Variants in SLC9A9 observed in about 807,000 individuals in gnomAD.
SLC9A9 encodes solute carrier family 9 member A9.
Under a neutral mutation model 77.8 loss-of-function variants are expected in SLC9A9, and 62 were observed. The observed-to-expected ratio is 0.80, with a 90% CI of 0.65 to 0.98. The LOEUF is 0.98. Ranked by LOEUF, SLC9A9 falls within the 50% of genes least tolerant of loss-of-function variation. SLC9A9 has a pLI of 0.00. For synonymous variants in SLC9A9, 320 were observed against 283.5 expected, an observed-to-expected ratio of 1.13 and a Z score of -1.29; for missense variants, 775 against 774.9, an observed-to-expected ratio of 1.00 and a Z score of 0.00.
At chr3:143,521,548 A>G (rs145467614) in intron 9 of SLC9A9, among the ~76,000 whole-genome samples, 1 of 152,156 alleles carries the variant, frequency 6.6e-6, no homozygotes, top group African/African-American at 2.4e-5. Context: ...ATTTGAATTT[A>G]TTTCTACCAC....
At chr3:143,386,561 G>A (rs569640841) in intron 12 of SLC9A9, among the ~76,000 whole-genome samples, 2 of 152,278 alleles carry the variant, frequency 1.3e-5, no homozygotes, top group East Asian at 3.9e-4. Context: ...AAATAGCTTA[G>A]GACCTGTTAT....
At chr3:143,508,674 T>C (rs1224121319) in intron 9 of SLC9A9, among the ~76,000 whole-genome samples, 2 of 152,336 alleles carry the variant, frequency 1.3e-5, no homozygotes, top group South Asian at 4.1e-4. Context: ...AAAATTTCTT[T>C]TACCACATTT....
chr3:143,643,448 T>C (rs1489351614), intron 6 of SLC9A9, among the ~76,000 whole-genome samples: 1 of 152,196 alleles, frequency 6.6e-6, no homozygotes, highest in Non-Finnish European at 1.5e-5. Context: ...TGTATTACCA[T>C]GAGTGAACCT....
intron 9 of SLC9A9, among the ~76,000 whole-genome samples, chr3:143,528,021 G>A (rs1386995963): frequency 1.3e-5 from 2 of 152,210 alleles, no homozygotes; most frequent in African/African-American, 4.8e-5. Flanking sequence ...GGAGGAGAAG[G>A]AAGAACACTG....
chr3:143,317,944 G>A (rs530860824), intron 14 of SLC9A9, among the ~76,000 whole-genome samples: 27 of 152,216 alleles, frequency 1.8e-4, no homozygotes, highest in South Asian at 1.5e-3. Context: ...AGCCAGGATG[G>A]TCTCGATCTC....
intron 6 of SLC9A9, among the ~76,000 whole-genome samples, chr3:143,608,699 G>T (rs1160970739): frequency 3.9e-5 from 6 of 152,048 alleles, no homozygotes; most frequent in Non-Finnish European, 8.8e-5. Flanking sequence ...ATAGAAATCT[G>T]TTATATATTG....
chr3:143,653,004 G>A (rs2038826393), intron 5 of SLC9A9, among the ~76,000 whole-genome samples: 1 of 152,146 alleles, frequency 6.6e-6, no homozygotes, highest in African/African-American at 2.4e-5. Context: ...TGGACACATG[G>A]TGTTAGACCA....
At chr3:143,847,846 A>G (rs1282549997) in intron 1 of SLC9A9, 2 of 433,956 alleles carry the variant, frequency 4.6e-6, no homozygotes, top group African/African-American at 2.0e-5. Flanking sequence ...TCCCAACATC[A>G]TTACAAAAAC....
intron 4 of SLC9A9, among the ~76,000 whole-genome samples, chr3:143,745,901 T>C (rs1935187403): frequency 6.6e-6 from 1 of 152,222 alleles, no homozygotes; most frequent in African/African-American, 2.4e-5. Flanking sequence ...ATGAGTTCCT[T>C]CTACAAGGGG....
At chr3:143,636,650 G>A (rs944093898) in intron 6 of SLC9A9, among the ~76,000 whole-genome samples, 1 of 152,044 alleles carries the variant, frequency 6.6e-6, no homozygotes, top group Non-Finnish European at 1.5e-5. Flanking sequence ...AGTCTCTAAT[G>A]TTTATTACTC....
chr3:143,650,027 C>G (rs1002907175), intron 6 of SLC9A9, among the ~76,000 whole-genome samples: 22 of 152,208 alleles, frequency 1.4e-4, no homozygotes, highest in Non-Finnish European at 2.5e-4. Context: ...AGAAGCTCAG[C>G]CCATGGGCTG....
At chr3:143,720,278 T>A (rs1476329548) in intron 4 of SLC9A9, among the ~76,000 whole-genome samples, 1 of 152,070 alleles carries the variant, frequency 6.6e-6, no homozygotes, top group Non-Finnish European at 1.5e-5. Context: ...GGTTCTTTAC[T>A]GGAATTGTGA....
chr3:143,331,123 A>G (rs2031755698), intron 14 of SLC9A9, among the ~76,000 whole-genome samples: 1 of 152,222 alleles, frequency 6.6e-6, no homozygotes, highest in Non-Finnish European at 1.5e-5. Context: ...TCTTCTGTAT[A>G]ACATTAACTG....
chr3:143,276,960 G>A (rs774389352), intron 14 of SLC9A9, among the ~76,000 whole-genome samples: 3 of 152,220 alleles, frequency 2.0e-5, no homozygotes, highest in Non-Finnish European at 4.4e-5. Context: ...GGCTGATAAA[G>A]TGGTATGCTT....
At chr3:143,390,278 T>G (rs1489371261) in intron 12 of SLC9A9, among the ~76,000 whole-genome samples, 1 of 152,166 alleles carries the variant, frequency 6.6e-6, no homozygotes, top group Non-Finnish European at 1.5e-5. Context: ...TTGACTGAAA[T>G]TACTAGGTAA....
chr3:143,716,874 C>A (rs891167546), intron 4 of SLC9A9, among the ~76,000 whole-genome samples: 4 of 152,112 alleles, frequency 2.6e-5, no homozygotes, highest in African/African-American at 9.7e-5. Flanking sequence ...TGTTGGCTTG[C>A]ACAACTGAGA....
At chr3:143,572,345 C>T (rs972997004) in intron 8 of SLC9A9, among the ~76,000 whole-genome samples, 1 of 151,398 alleles carries the variant, frequency 6.6e-6, no homozygotes, top group African/African-American at 2.4e-5. Context: ...ATTATAACAT[C>T]CAACAGTAGA....
At chr3:143,424,914 G>A (rs745638029) in intron 12 of SLC9A9, among the ~76,000 whole-genome samples, 1 of 152,108 alleles carries the variant, frequency 6.6e-6, no homozygotes, top group Non-Finnish European at 1.5e-5. Flanking sequence ...ACCAACCTAG[G>A]GTCCTTGTGA....
chr3:143,694,439 A>T (rs1277477203), intron 4 of SLC9A9, among the ~76,000 whole-genome samples: 1 of 152,164 alleles, frequency 6.6e-6, no homozygotes, highest in Non-Finnish European at 1.5e-5. Context: ...TAACTGAGGT[A>T]ATACATATTT....
Sources: gnomAD v4.1 joint callset for allele counts (sites outside exome capture counted in the v4.1 genomes callset) on GRCh38, gnomAD v4.1.1 for gene constraint, MANE v1.5 for transcripts, NCBI Gene and HGNC (gene_info 2026-07-23, HGNC 2026-07-21) for gene names.